The following TECPR2 variants were observed in gnomAD, a reference collection of about 807,000 sequenced individuals.
The protein encoded by TECPR2 is tectonin beta-propeller repeat containing 2.
Under a neutral mutation model 138.1 loss-of-function variants are expected in TECPR2, and 65 were observed. That is an observed-to-expected ratio of 0.47 (90% CI 0.39 to 0.58). The LOEUF is 0.58. Among genes scored for constraint, TECPR2 ranks in the 20% least tolerant of loss-of-function variants. TECPR2 has a pLI of 0.00. For synonymous variants in TECPR2, 746 were observed against 749.8 expected (o/e 0.99, Z 0.08); for missense variants, 1,553 against 1,824.5 (o/e 0.85, Z 2.71).
chr14:102,434,129 C>A, intron 8 of TECPR2, 106 bp from the exon 9 acceptor site: 1 of 1,073,704 alleles, frequency 9.3e-7, no homozygotes, highest in Non-Finnish European at 1.2e-6. Flanking sequence ...ACCAAATATC[C>A]TTTATTTAAA....
At position 102,452,454 on chromosome 14, in the gene TECPR2, C is replaced by T. The variant is rs762126011; in HGVS notation, c.3467C>T (p.Ala1156Val). The stretch of plus-strand genomic sequence containing the variant: ...CTGTGCAGCGTCAGCGCCCAGAGCG[C>T]ACAGTCGCGGCCCTCCACGGTGCAG... ...KDLCSVSAQS[A>V]QSRPSTVQLP... Residue 1156 changes from alanine (A) to valine (V), a missense_variant, in exon 16 of 20, where the codon GCA (alanine) becomes GTA (valine). Physicochemically the swap from Ala to Val is moderately conservative, Grantham distance 64 (BLOSUM62 0). Coordinates refer to ENST00000359520, the MANE Select transcript of TECPR2 (RefSeq NM_014844.5). 3 of 1,613,770 alleles carry T rather than the reference C, an allele frequency of 1.9e-6. No homozygotes were observed. The East Asian group carries it at 6.7e-5, about 36-fold the overall frequency.
At chr14:102,384,881 A>G (rs1373889070) in intron 2 of TECPR2, among the ~76,000 whole-genome samples, 2 of 94,480 alleles carry the variant, frequency 2.1e-5, no homozygotes, top group African/African-American at 8.6e-5. Flanking sequence ...TTTGAGACAG[A>G]GTTTCACTCT....
chr14:102,447,780 G>T (rs780433738), intron 13 of TECPR2, among the ~76,000 whole-genome samples: 28 of 151,832 alleles, frequency 1.8e-4, no homozygotes, highest in Non-Finnish European at 4.0e-4. Context: ...TGATCTGCCT[G>T]CCTCAGCCTC....
At chr14:102,376,018 C>A (rs1311275275) in intron 1 of TECPR2, among the ~76,000 whole-genome samples, 5 of 152,136 alleles carry the variant, frequency 3.3e-5, no homozygotes, top group Non-Finnish European at 5.9e-5. Flanking sequence ...GTGGGTGGGT[C>A]TCCATGTGGA....
chr14:102,452,240 C>T (rs931837415), intron 15 of TECPR2, among the ~76,000 whole-genome samples, 154 bp from the exon 16 acceptor site: 10 of 152,218 alleles, frequency 6.6e-5, no homozygotes, highest in Non-Finnish European at 1.3e-4. Flanking sequence ...AGTGCTACAC[C>T]GCTCCTGCCC....
intron 2 of TECPR2, among the ~76,000 whole-genome samples, chr14:102,391,600 G>A (rs1352761942): frequency 9.2e-5 from 14 of 152,058 alleles, no homozygotes; most frequent in Non-Finnish European, 2.1e-4. Flanking sequence ...TATAGTCATG[G>A]ATATATAATC....
chr14:102,447,201 C>T (rs1890006858), intron 13 of TECPR2, among the ~76,000 whole-genome samples: 1 of 152,180 alleles, frequency 6.6e-6, no homozygotes, highest in Non-Finnish European at 1.5e-5. Context: ...TTTGCCCACA[C>T]TGGAGTGTGG....
intron 17 of TECPR2, among the ~76,000 whole-genome samples, chr14:102,474,217 A>G (rs1455231288): frequency 6.6e-6 from 1 of 151,812 alleles, no homozygotes; most frequent in Non-Finnish European, 1.5e-5. Flanking sequence ...GCAGTGAGCC[A>G]TGTTTGTACC....
Position 102,434,683 on chromosome 14 carries a change from T to A in TECPR2, c.1866T>A (p.Pro622=). Residue 622 remains proline (P), a synonymous_variant, in exon 9 of 20, where the codon CCT becomes CCA. Coordinates refer to ENST00000359520, the MANE Select transcript of TECPR2 (RefSeq NM_014844.5). ...QLPFQEQDSS[P]GAHDGEDIQP... is the part of the protein sequence containing the mutation. ...CCTTCCAAGAACAGGACAGCTCTCCTGGGGCGCATGATGGGGAAGACATCC... is the reference window on the plus strand; with the variant it reads ...CCTTCCAAGAACAGGACAGCTCTCCAGGGGCGCATGATGGGGAAGACATCC... 6.2e-7 allele frequency: 1 copy of A among 1,613,096 alleles called. No individual in the cohort carries two copies. The highest frequency in any genetic ancestry group is 8.5e-7 in the Non-Finnish European group (1 of 1,179,498).
At chr14:102,384,697 A>G (rs1300982861) in intron 2 of TECPR2, among the ~76,000 whole-genome samples, 9 of 149,254 alleles carry the variant, frequency 6.0e-5, no homozygotes, top group African/African-American at 1.7e-4. Flanking sequence ...ATATATATAT[A>G]TATGTGTGTG....
intron 2 of TECPR2, among the ~76,000 whole-genome samples, chr14:102,405,317 A>G (rs1173503558): frequency 6.6e-6 from 1 of 152,146 alleles, no homozygotes; most frequent in Non-Finnish European, 1.5e-5. Flanking sequence ...TCAAAAAGAA[A>G]CAAACAGACA....
intron 2 of TECPR2, among the ~76,000 whole-genome samples, chr14:102,381,266 T>G (rs989035369): frequency 6.6e-6 from 1 of 152,174 alleles, no homozygotes; most frequent in Non-Finnish European, 1.5e-5. Flanking sequence ...TGGCCGATAG[T>G]AGCACATTTT....
chr14:102,434,134 T>C, intron 8 of TECPR2, 101 bp from the exon 9 acceptor site: 1 of 1,126,508 alleles, frequency 8.9e-7, no homozygotes, highest in African/African-American at 1.6e-5. Context: ...ATATCCTTTA[T>C]TTAAAATTTT....
intron 16 of TECPR2, among the ~76,000 whole-genome samples, chr14:102,454,230 G>C (rs568973097): frequency 6.6e-6 from 1 of 152,126 alleles, no homozygotes; most frequent in South Asian, 2.1e-4. Context: ...CTGCATTGCA[G>C]TCTGTATGCT....
intron 17 of TECPR2, among the ~76,000 whole-genome samples, chr14:102,496,715 C>T (rs959622585): frequency 6.6e-6 from 1 of 152,196 alleles, no homozygotes; most frequent in Non-Finnish European, 1.5e-5. Context: ...CTGGGCCATC[C>T]CTGCCCTTCT....
intron 17 of TECPR2, 29 bp downstream of exon 17, chr14:102,465,318 C>G: frequency 3.7e-6 from 6 of 1,610,382 alleles, no homozygotes; most frequent in Non-Finnish European, 4.2e-6. Context: ...GTGGAACTCA[C>G]TCTTCAGTAA....
intron 17 of TECPR2, among the ~76,000 whole-genome samples, chr14:102,493,876 G>C (rs1163802525): frequency 6.6e-6 from 1 of 152,222 alleles, no homozygotes; most frequent in African/African-American, 2.4e-5. Flanking sequence ...TCTGCTTTAA[G>C]CTGGGACCGC....
In TECPR2 at chr14:102,375,017, G is replaced by C. The variant is rs368863063; in HGVS notation, c.-72-1633G>C. On this transcript the variant is annotated intron_variant, in intron 1 of 19. Coordinates refer to ENST00000359520, the MANE Select transcript of TECPR2 (RefSeq NM_014844.5). ...GCAGGCAGGCAGATAACCAGTCAGA[G>C]AAAAGAAAGGAGATGTGTGGATAGG... 1.8e-4 allele frequency among the ~76,000 whole-genome samples: 27 copies of C among 152,236 alleles called. No individual in the cohort carries two copies. The East Asian group carries it at 5.2e-3, about 29-fold the overall frequency.
At chr14:102,424,869 G>A (rs1889272373) in intron 5 of TECPR2, 110 bp from the exon 6 acceptor site, 4 of 1,123,008 alleles carry the variant, frequency 3.6e-6, no homozygotes, top group African/African-American at 1.6e-5. Context: ...ATCAATTATT[G>A]TCTTAGCCAA....
Sources: allele counts gnomAD v4.1 joint callset (sites outside exome capture counted in the v4.1 genomes callset), GRCh38; gene constraint gnomAD v4.1.1; transcripts MANE v1.5; gene names NCBI Gene and HGNC (gene_info 2026-07-23, HGNC 2026-07-21).